Variants in SLC10A2 observed in about 807,000 individuals in gnomAD.
SLC10A2 encodes the protein solute carrier family 10 member 2.
A neutral mutation model predicts 27.1 loss-of-function variants in SLC10A2; 34 were observed. The ratio of observed to expected loss-of-function variants is 1.26; its 90% confidence interval spans 0.96 to 1.67. The LOEUF (loss-of-function observed/expected upper bound fraction) is 1.67, where lower values mean the gene tolerates loss of function less well. Among genes scored for constraint, SLC10A2 ranks in the 40% most tolerant of loss-of-function variants. The pLI is 0.00. For missense variants in SLC10A2, 530 were observed against 444.4 expected (o/e 1.19, Z -1.73); for synonymous variants, 205 against 174.0 (o/e 1.18, Z -1.40).
chr13:103,055,033 A>G (rs1875902167), intron 2 of SLC10A2, among the ~76,000 whole-genome samples: 1 of 152,140 alleles, frequency 6.6e-6, no homozygotes, highest in Admixed American at 6.5e-5. Context: ...ATGAGAATGA[A>G]AGAGAGTGGT....
rs368918457 is a variant in SLC10A2, at chr13:103,045,320, G to A, written c.*813C>T. 2 of 152,196 alleles carry A rather than the reference G, an allele frequency of 1.3e-5. No homozygotes were observed. Among genetic ancestry groups the A allele is most frequent in the Admixed American group, 6.6e-5 (1 of 15,264 alleles). 9.4% of individuals were successfully genotyped at this position (152,196 alleles called of 1,614,324 possible). On this transcript the variant is annotated 3_prime_UTR_variant, in exon 6 of 6. Transcript: ENST00000245312. ...AGCTATGTGGATCCACTGCACACAG[G>A]AAAACCTTGAGGAAGTCCCTCTCCC...
rs1595436178 is a variant in SLC10A2 at position 103,045,537 on chromosome 13, G to C, written c.*596C>G. On this transcript the variant is annotated 3_prime_UTR_variant, in exon 6 of 6. Coordinates refer to ENST00000245312, the MANE Select transcript of SLC10A2 (RefSeq NM_000452.3). ...ATAATTTCCTCTCATTTCTGCTTTT[G>C]GACTGCCACTGGAGAAGGCAACTTT... 6.6e-6 allele frequency: 1 copy of C among 152,476 alleles called. No individual in the cohort carries two copies. The highest frequency in any genetic ancestry group is 1.9e-4 in the East Asian group (1 of 5,202). The allele number at this position is 152,476 out of a possible 1,614,324, so 9.4% of individuals were successfully genotyped here.
At chr13:103,050,285 C>T (rs1001787975) in intron 4 of SLC10A2, among the ~76,000 whole-genome samples, 11 of 152,252 alleles carry the variant, frequency 7.2e-5, no homozygotes, top group Admixed American at 1.3e-4. Context: ...AGTGTGTGGT[C>T]GGATTGGAAG....
intron 2 of SLC10A2, 113 bp from the exon 3 acceptor site, chr13:103,052,821 T>A (rs1875826759): frequency 1.4e-6 from 1 of 726,288 alleles, no homozygotes; most frequent in Non-Finnish European, 2.5e-6. Flanking sequence ...TCTTCCTTCT[T>A]GAATACACAA....
At chr13:103,053,558 C>A (rs1252614908) in intron 2 of SLC10A2, among the ~76,000 whole-genome samples, 5 of 152,192 alleles carry the variant, frequency 3.3e-5, no homozygotes, top group Non-Finnish European at 7.3e-5. Flanking sequence ...TCTAACTTTT[C>A]ATAGGTTGTT....
At chr13:103,064,364 C>A (rs536837786) in intron 1 of SLC10A2, among the ~76,000 whole-genome samples, 54 of 152,200 alleles carry the variant, frequency 3.5e-4, no homozygotes, top group African/African-American at 1.3e-3. Context: ...TAACTTGGAG[C>A]TTTTAGGTTA....
intron 1 of SLC10A2, among the ~76,000 whole-genome samples, chr13:103,061,840 A>T (rs1477320830): frequency 2.0e-5 from 3 of 152,230 alleles, no homozygotes; most frequent in Non-Finnish European, 2.9e-5. Context: ...AACAATTCAC[A>T]GATAACGAAT....
chr13:103,048,527 T>C (rs1335993172), intron 5 of SLC10A2, among the ~76,000 whole-genome samples: 7 of 152,182 alleles, frequency 4.6e-5, no homozygotes, highest in African/African-American at 1.7e-4. Flanking sequence ...TTGCGTGCCT[T>C]CACTTTATAT....
chr13:103,054,834 G>A (rs1875895100), intron 2 of SLC10A2, among the ~76,000 whole-genome samples: 1 of 152,074 alleles, frequency 6.6e-6, no homozygotes, highest in South Asian at 2.1e-4. Context: ...GTGGGCTGGT[G>A]ATCTTGCTCT....
Position 103,051,291 on chromosome 13 carries a change from GA to G in SLC10A2, c.726del (p.Leu243PhefsTer63), listed in dbSNP as rs760535226. ...IFPVAGYSLGFLLARIAGLPW... is the reference protein window; with the variant it reads ...IFPVAGYSLGXLLARIAGLPW... ...GGTAGACCAGCAATTCTAGCCAGAA[GA>G]AACCCCAGGGAGTAACCCGCCACAG... On this transcript the variant is annotated frameshift_variant, in exon 4 of 6. Coordinates refer to ENST00000245312, the MANE Select transcript of SLC10A2 (RefSeq NM_000452.3). LOFTEE classifies it high-confidence loss of function. 13 of 1,614,056 alleles carry G rather than the reference GA, an allele frequency of 8.1e-6. No individual in the cohort carries two copies. The highest frequency in any genetic ancestry group is 1.1e-5 in the Non-Finnish European group (13 of 1,179,994).
chr13:103,054,020 AC>A (rs1875865424), intron 2 of SLC10A2, among the ~76,000 whole-genome samples: 1 of 152,130 alleles, frequency 6.6e-6, no homozygotes, highest in Non-Finnish European at 1.5e-5. Context: ...CTCTGTCCCC[AC>A]CCATATCTCA....
intron 2 of SLC10A2, among the ~76,000 whole-genome samples, chr13:103,054,931 G>T (rs768903681): frequency 6.6e-6 from 1 of 152,086 alleles, no homozygotes; most frequent in South Asian, 2.1e-4. Flanking sequence ...AGATGAAAAA[G>T]CATCCACTCA....
intron 2 of SLC10A2, among the ~76,000 whole-genome samples, chr13:103,056,862 G>T (rs1255522750): frequency 1.3e-5 from 2 of 152,078 alleles, no homozygotes; most frequent in Non-Finnish European, 2.9e-5. Context: ...TGGTCTAATG[G>T]TAATGGTAAG....
At position 103,051,295 on chromosome 13, in the gene SLC10A2, C is replaced by G; in HGVS notation, c.723G>C (p.Gly241=). ...TIFPVAGYSL[G]FLLARIAGLP... ...GACCAGCAATTCTAGCCAGAAGAAA[C>G]CCCAGGGAGTAACCCGCCACAGGAA... The change falls in exon 4 of 6, where the codon GGG becomes GGC. Residue 241 remains glycine, a synonymous_variant. Transcript: ENST00000245312. The G allele has an allele frequency of 6.2e-7, 1 of 1,614,044 alleles. No individual in the cohort carries two copies. Among genetic ancestry groups the G allele is most frequent in the Non-Finnish European group, 8.5e-7 (1 of 1,179,988 alleles).
Position 103,045,380 on chromosome 13 carries a change from T to C in SLC10A2, c.*753A>G, listed in dbSNP as rs1201345712. On this transcript the variant is annotated 3_prime_UTR_variant, in exon 6 of 6. Coordinates refer to ENST00000245312, the MANE Select transcript of SLC10A2 (RefSeq NM_000452.3). Reference sequence around the variant, plus strand: ...GAGCTCTTTGCCAAATACACACCGTTTGAAAGAATTATGTTTTTCCTTGGA... The same window carrying C: ...GAGCTCTTTGCCAAATACACACCGTCTGAAAGAATTATGTTTTTCCTTGGA... 6.6e-6 allele frequency: 1 copy of C among 152,244 alleles called. No individual in the cohort carries two copies. Among genetic ancestry groups the C allele is most frequent in the Non-Finnish European group, 1.5e-5 (1 of 68,110 alleles). The allele number at this position is 152,244 out of a possible 1,614,324, so 9.4% of individuals were successfully genotyped here. A position where few individuals can be genotyped will look rare whatever the true frequency, so the allele number is the denominator to read the frequency against.
intron 2 of SLC10A2, among the ~76,000 whole-genome samples, chr13:103,055,248 A>G (rs1213824259): frequency 6.6e-6 from 1 of 152,224 alleles, no homozygotes; most frequent in Non-Finnish European, 1.5e-5. Flanking sequence ...TCTTGGCACA[A>G]GACACTTAAA....
intron 4 of SLC10A2, among the ~76,000 whole-genome samples, chr13:103,050,410 G>T (rs1229345375): frequency 6.6e-6 from 1 of 152,126 alleles, no homozygotes; most frequent in Non-Finnish European, 1.5e-5. Context: ...CTCTCTGCCT[G>T]TGGATTCGAT....
In SLC10A2 at chr13:103,049,404, C is replaced by T; in HGVS notation, c.804G>A (p.Gln268=). 6.2e-7 allele frequency: 1 copy of T among 1,614,016 alleles called. No homozygotes were observed. Among genetic ancestry groups the T allele is most frequent in the South Asian group, 1.1e-5 (1 of 91,076 alleles). ...VAFETGMQNT[Q]LCSTIVQLSF... ...AGAGCTGAACGATGGTGGAACATAG[C>T]TGCGTGTTCTGCATCCCCGTTTCAA... Residue 268 remains glutamine, a synonymous_variant, in exon 5 of 6, where the codon CAG becomes CAA. Coordinates refer to ENST00000245312, the MANE Select transcript of SLC10A2 (RefSeq NM_000452.3).
At position 103,066,413 on chromosome 13, in the gene SLC10A2, GA is replaced by G; in HGVS notation, c.-165del. 1 of 635,578 alleles carries G rather than the reference GA, an allele frequency of 1.6e-6. No homozygotes were observed. The highest frequency in any genetic ancestry group is 2.5e-6 in the Non-Finnish European group (1 of 395,214). 39.4% of individuals were successfully genotyped at this position (635,578 alleles called of 1,614,324 possible). Reference sequence around the variant, plus strand: ...TGTCTCTTTTGAAAGCCACCTTAGGGAAGTAATAAAAAACAATAAAGCTAGG... The same window carrying G: ...TGTCTCTTTTGAAAGCCACCTTAGGGAGTAATAAAAAACAATAAAGCTAGG... On this transcript the variant is annotated 5_prime_UTR_variant, in exon 1 of 6. Transcript: ENST00000245312.
Sources: gnomAD v4.1 joint callset for allele counts (sites outside exome capture counted in the v4.1 genomes callset) on GRCh38, gnomAD v4.1.1 for gene constraint, MANE v1.5 for transcripts, NCBI Gene and HGNC (gene_info 2026-07-23, HGNC 2026-07-21) for gene names.